RAB11FIP4: variants seen among roughly 807,000 people sequenced by gnomAD.
The protein encoded by RAB11FIP4 is rab11 family-interacting protein 4.
In RAB11FIP4, 23 loss-of-function variants were observed where a neutral mutation model predicts 74.3. That is an observed-to-expected ratio of 0.31 (90% CI 0.22 to 0.44). The LOEUF is 0.44. Ranked by LOEUF, RAB11FIP4 falls within the 20% of genes least tolerant of loss-of-function variation. The probability of loss-of-function intolerance (pLI) is 1.00; values close to 1 mark genes in which losing one functional copy is unlikely to be tolerated. For synonymous variants in RAB11FIP4, 360 were observed against 359.9 expected, an observed-to-expected ratio of 1.00 and a Z score of 0.00; for missense variants, 630 against 863.9, an observed-to-expected ratio of 0.73 and a Z score of 3.39.
Position 31,528,427 on chromosome 17 carries a change from C to T in RAB11FIP4, c.1378C>T (p.Arg460Cys), listed in dbSNP as rs150925455. 72 of 1,612,856 alleles carry T rather than the reference C, an allele frequency of 4.5e-5. No individual in the cohort carries two copies. The highest frequency in any genetic ancestry group is 5.5e-5 in the South Asian group (5 of 91,082). ...CCAGGAGCGGCAGCGCATGTCTGAC[C>T]GTCTGGAGGACACCAGCCTGCGGCT... is the stretch of plus-strand genomic sequence containing the variant. ...LDEERQRMSD[R>C]LEDTSLRLKD... The change falls in exon 12 of 15, where the codon CGT becomes TGT. Residue 460 changes from arginine (R) to cysteine (C), a missense_variant. Transcript: ENST00000621161.
chr17:31,513,046 C>T (rs1450830955), intron 3 of RAB11FIP4, among the ~76,000 whole-genome samples: 1 of 152,106 alleles, frequency 6.6e-6, no homozygotes, highest in African/African-American at 2.4e-5. Flanking sequence ...AGGATGTAGA[C>T]CGTGCAGCTG....
chr17:31,509,836 T>A (rs1430614102), intron 3 of RAB11FIP4, among the ~76,000 whole-genome samples: 2 of 152,020 alleles, frequency 1.3e-5, no homozygotes, highest in Non-Finnish European at 2.9e-5. Flanking sequence ...TGAGCTGAGG[T>A]TGCTTGTTGT....
At chr17:31,524,118 G>A (rs1485909185) in intron 9 of RAB11FIP4, 122 bp downstream of exon 9, 5 of 699,692 alleles carry the variant, frequency 7.1e-6, no homozygotes, top group Non-Finnish European at 1.3e-5. Context: ...GGTCTGTGAC[G>A]CATCAGCCTC....
intron 3 of RAB11FIP4, among the ~76,000 whole-genome samples, chr17:31,461,844 G>T (rs960464487): frequency 6.6e-6 from 1 of 152,034 alleles, no homozygotes; most frequent in South Asian, 2.1e-4. Context: ...CATTTCTACT[G>T]AATGGGAATC....
chr17:31,419,708 G>A (rs966199309), intron 1 of RAB11FIP4, among the ~76,000 whole-genome samples: 11 of 151,842 alleles, frequency 7.2e-5, no homozygotes, highest in African/African-American at 2.7e-4. Flanking sequence ...CCACCACCAT[G>A]CCCGGCTAAT....
At chr17:31,480,489 T>C (rs1235667100) in intron 3 of RAB11FIP4, among the ~76,000 whole-genome samples, 1 of 151,980 alleles carries the variant, frequency 6.6e-6, no homozygotes, top group Non-Finnish European at 1.5e-5. Context: ...CCTAAATCCA[T>C]AGTGAAAATA....
At chr17:31,415,258 C>G (rs918808889) in intron 1 of RAB11FIP4, among the ~76,000 whole-genome samples, 1 of 152,240 alleles carries the variant, frequency 6.6e-6, no homozygotes, top group Non-Finnish European at 1.5e-5. Context: ...GTGGGCACCT[C>G]AGGCCCAGGG....
intron 3 of RAB11FIP4, among the ~76,000 whole-genome samples, chr17:31,464,206 G>A (rs1461583292): frequency 6.6e-6 from 1 of 151,832 alleles, no homozygotes; most frequent in African/African-American, 2.4e-5. Flanking sequence ...GACCTGTGCT[G>A]TCAGTGTGGG....
At chr17:31,403,830 T>A (rs2071018338) in intron 1 of RAB11FIP4, among the ~76,000 whole-genome samples, 2 of 151,966 alleles carry the variant, frequency 1.3e-5, no homozygotes, top group African/African-American at 4.8e-5. Flanking sequence ...CTGATCTGAG[T>A]TCCAGAAATC....
Position 31,527,867 on chromosome 17 carries a change from A to G in RAB11FIP4, c.1300A>G (p.Thr434Ala), listed in dbSNP as rs2072794604. 8.1e-6 allele frequency: 13 copies of G among 1,607,262 alleles called. No homozygotes were observed. The highest frequency in any genetic ancestry group is 1.1e-5 in the South Asian group (1 of 89,130). ...ARVQQLEEEN[T>A]ELRTTVTRLK... is the part of the protein sequence containing the mutation. ...GGTGCAGCAGTTGGAGGAAGAAAAT[A>G]CAGAGCTTAGAACAACAGTGACTCG... The change falls in exon 11 of 15, where the codon ACA (threonine) becomes GCA (alanine). Residue 434 changes from threonine to alanine, a missense_variant. By Grantham distance (58) the Thr-to-Ala change is moderately conservative. Coordinates refer to ENST00000621161, the MANE Select transcript of RAB11FIP4 (RefSeq NM_032932.6).
At chr17:31,449,346 G>A (rs1038161790) in intron 3 of RAB11FIP4, among the ~76,000 whole-genome samples, 3 of 152,016 alleles carry the variant, frequency 2.0e-5, no homozygotes, top group African/African-American at 7.3e-5. Flanking sequence ...CTTTCCATTC[G>A]CTTCTGGAGC....
At position 31,521,213 on chromosome 17, in the gene RAB11FIP4, A is replaced by G. The variant is rs764538846; in HGVS notation, c.611A>G (p.His204Arg). 28 of 1,612,422 alleles carry G rather than the reference A, an allele frequency of 1.7e-5. No individual in the cohort carries two copies. Among genetic ancestry groups the G allele is most frequent in the African/African-American group, 2.7e-5 (2 of 74,672 alleles). The change falls in exon 5 of 15, where the codon CAC becomes CGC. Residue 204 changes from histidine to arginine, a missense_variant. Transcript: ENST00000621161. Reference sequence around the variant, plus strand: ...ATGACGACCTCAGACCTTTCTACACACTCCACCACCTCGCTCATCAGCAAT... The same window carrying G: ...ATGACGACCTCAGACCTTTCTACACGCTCCACCACCTCGCTCATCAGCAAT... ...PSMTTSDLST[H>R]STTSLISNEE...
intron 1 of RAB11FIP4, among the ~76,000 whole-genome samples, chr17:31,400,777 C>T (rs564889775): frequency 2.6e-5 from 4 of 152,282 alleles, no homozygotes; most frequent in South Asian, 2.1e-4. Context: ...GGGAGCTCCA[C>T]GTTGGCCTGT....
At chr17:31,464,749 C>CTTTTTT (rs58083480) in intron 3 of RAB11FIP4, among the ~76,000 whole-genome samples, 450 of 39,642 alleles carry the variant, frequency 0.011, 107 homozygotes, top group East Asian at 0.027. Flanking sequence ...CTGTGCCCGG[C>CTTTTTT]TTTTTTTTTT....
intron 3 of RAB11FIP4, among the ~76,000 whole-genome samples, chr17:31,458,638 G>A (rs949804721): frequency 5.9e-5 from 9 of 152,168 alleles, no homozygotes; most frequent in Middle Eastern, 3.2e-3. Context: ...CTGGCTGTGG[G>A]GCTTCTGGGG....
intron 3 of RAB11FIP4, among the ~76,000 whole-genome samples, chr17:31,444,322 C>A (rs1781413266): frequency 6.6e-6 from 1 of 151,256 alleles, no homozygotes; most frequent in Admixed American, 6.6e-5. Context: ...TTATATCTGG[C>A]CCCAATATAT....
chr17:31,463,137 C>T (rs2071649079), intron 3 of RAB11FIP4, among the ~76,000 whole-genome samples: 1 of 152,214 alleles, frequency 6.6e-6, no homozygotes, highest in Non-Finnish European at 1.5e-5. Context: ...ATTGTAACCA[C>T]CAGAGCATAG....
chr17:31,461,721 C>CTT lies in RAB11FIP4; in HGVS notation c.336+27612_336+27613dup, dbSNP rs143304350. On this transcript the variant is annotated intron_variant, in intron 3 of 14. Coordinates refer to ENST00000621161, the MANE Select transcript of RAB11FIP4 (RefSeq NM_032932.6). ...ACAAGCATGATCCACTGCACCCAGC[C>CTT]TTTTTTTTTTTTTTGAGACAAGGTC... 9.9e-3 allele frequency among the ~76,000 whole-genome samples: 1,415 copies of CTT among 142,894 alleles called. 26 individuals carry two copies. The highest frequency in any genetic ancestry group is 0.035 in the African/African-American group (1,354 of 39,098). 93.7% of individuals were successfully genotyped at this position (142,894 alleles called of 152,430 possible).
chr17:31,498,297 A>T (rs191016334), intron 3 of RAB11FIP4, among the ~76,000 whole-genome samples: 67 of 151,936 alleles, frequency 4.4e-4, no homozygotes, highest in Non-Finnish European at 5.4e-4. Flanking sequence ...ACACCCCCCA[A>T]CCCCCCATGC....
Sources: allele counts gnomAD v4.1 joint callset (sites outside exome capture counted in the v4.1 genomes callset), GRCh38; gene constraint gnomAD v4.1.1; transcripts MANE v1.5; gene names NCBI Gene and HGNC (gene_info 2026-07-23, HGNC 2026-07-21).